The following PPM1H variants were observed in gnomAD, a reference collection of about 807,000 sequenced individuals.
PPM1H encodes protein phosphatase 1H.
A neutral mutation model predicts 54.9 loss-of-function variants in PPM1H; 27 were observed. The observed-to-expected ratio is 0.49, with a 90% CI of 0.36 to 0.68. The LOEUF is 0.68. Ranked by LOEUF, PPM1H falls within the 30% of genes least tolerant of loss-of-function variation. The probability of loss-of-function intolerance (pLI) is 0.00; values close to 1 mark genes in which losing one functional copy is unlikely to be tolerated. For synonymous variants in PPM1H, 305 were observed against 270.8 expected, an observed-to-expected ratio of 1.13 and a Z score of -1.24; for missense variants, 596 against 667.8, an observed-to-expected ratio of 0.89 and a Z score of 1.19.
intron 2 of PPM1H, among the ~76,000 whole-genome samples, chr12:62,826,601 G>A (rs1031308893): frequency 6.6e-6 from 1 of 152,086 alleles, no homozygotes; most frequent in Admixed American, 6.5e-5. Context: ...TGTTTTCATT[G>A]TAAATTTCAT....
chr12:62,760,959 G>T (rs1216204365), intron 4 of PPM1H, among the ~76,000 whole-genome samples: 1 of 152,182 alleles, frequency 6.6e-6, no homozygotes, highest in Non-Finnish European at 1.5e-5. Context: ...TAACTTAGAT[G>T]TTGTTTACTT....
At chr12:62,774,688 G>A (rs1028515131) in intron 4 of PPM1H, among the ~76,000 whole-genome samples, 1 of 152,074 alleles carries the variant, frequency 6.6e-6, no homozygotes, top group African/African-American at 2.4e-5. Flanking sequence ...CCCCAATAAT[G>A]ATTGAAAGTT....
At chr12:62,907,632 C>A (rs1187571231) in intron 1 of PPM1H, among the ~76,000 whole-genome samples, 1 of 152,190 alleles carries the variant, frequency 6.6e-6, no homozygotes, top group African/African-American at 2.4e-5. Context: ...CCAGTAAGTA[C>A]TTGTTACACA....
At chr12:62,682,337 G>A (rs2076023136) in intron 8 of PPM1H, among the ~76,000 whole-genome samples, 1 of 152,146 alleles carries the variant, frequency 6.6e-6, no homozygotes, top group Admixed American at 6.5e-5. Context: ...TTATGAATGG[G>A]CCAGACTGTA....
At chr12:62,866,115 G>T (rs599969) in intron 1 of PPM1H, among the ~76,000 whole-genome samples, 94,634 of 152,002 alleles carry the variant, frequency 0.62, 31,157 homozygotes, top group African/African-American at 0.83. Context: ...AAGAAACTGC[G>T]AAGAGGGAAA....
rs1872251405 is a variant in PPM1H, at chr12:62,934,395, A to C, written c.245+97T>G. 1 of 1,379,936 alleles carries C rather than the reference A, an allele frequency of 7.2e-7. No homozygotes were observed. The highest frequency in any genetic ancestry group is 1.5e-5 in the African/African-American group (1 of 66,676). 85.5% of individuals were successfully genotyped at this position (1,379,936 alleles called of 1,614,324 possible). On this transcript the variant is annotated intron_variant, in intron 1 of 9. Coordinates refer to ENST00000228705, the MANE Select transcript of PPM1H (RefSeq NM_020700.2). This position sits in a 1 kb window ranked among gnomAD's most constrained non-coding sequence, Gnocchi z 4.2. ...GGCCTGGACGCCGGCAGCTAGTGAG[A>C]GCCCTGAGGCCGAGAAGCAGGGAGA...
intron 5 of PPM1H, among the ~76,000 whole-genome samples, chr12:62,726,613 A>T (rs1252344992): frequency 6.6e-6 from 1 of 152,212 alleles, no homozygotes; most frequent in African/African-American, 2.4e-5. Flanking sequence ...CCTGGCTCCA[A>T]TGCGGGGATG....
chr12:62,771,029 G>C (rs1328253107), intron 4 of PPM1H, among the ~76,000 whole-genome samples: 4 of 139,400 alleles, frequency 2.9e-5, no homozygotes, highest in Non-Finnish European at 6.1e-5. Context: ...GCTAAGTCTT[G>C]CAGGAAAAAG....
intron 1 of PPM1H, among the ~76,000 whole-genome samples, chr12:62,832,558 T>C (rs1868384147): frequency 1.3e-5 from 2 of 152,170 alleles, no homozygotes; most frequent in African/African-American, 4.8e-5. Context: ...ACTAATCCAT[T>C]TTAGTCAAAA....
chr12:62,737,490 G>A lies in PPM1H; in HGVS notation c.954+12C>T. 1 of 1,532,816 alleles carries A rather than the reference G, an allele frequency of 6.5e-7. No individual in the cohort carries two copies. Among genetic ancestry groups the A allele is most frequent in the East Asian group, 2.4e-5 (1 of 42,434 alleles). The allele number at this position is 1,532,816 out of a possible 1,614,324, so 95.0% of individuals were successfully genotyped here. On this transcript the variant is annotated intron_variant, in intron 5 of 9. Transcript: ENST00000228705. The stretch of plus-strand genomic sequence containing the variant: ...ATGCCACTGCCCTCTGCCAAGCCTA[G>A]ATGACTCTTACCAGGTACTGAAGTC...
rs117308151 is a variant in PPM1H, at chr12:62,758,230, T to C, written c.870-20644A>G. Among the ~76,000 whole-genome samples the C allele has an allele frequency of 9.8e-5, 15 of 152,374 alleles. No homozygotes were observed. In the East Asian group the frequency reaches 2.9e-3, roughly 29 times the overall value. ...TTTCTTGGAAATCAACATCTTCATT[T>C]GGTTTCCACATGAATAATTCTTGGA... On this transcript the variant is annotated intron_variant, in intron 4 of 9. Transcript: ENST00000228705.
intron 1 of PPM1H, among the ~76,000 whole-genome samples, chr12:62,929,561 A>G (rs542846381): frequency 1.6e-3 from 246 of 152,222 alleles, no homozygotes; most frequent in Non-Finnish European, 2.6e-3. Flanking sequence ...TAGTGGGGTC[A>G]TAGCAGAGAT....
At position 62,871,984 on chromosome 12, in the gene PPM1H, A is replaced by AAG. The variant is rs754541480; in HGVS notation, c.246-39707_246-39706dup. ...TTCAGGATTTACAAAGTCCTGCTCT[A>AAG]AGCTCTCACTAAGCTTTTGAAACCT... On this transcript the variant is annotated intron_variant, in intron 1 of 9. Transcript: ENST00000228705. 2.1e-4 allele frequency among the ~76,000 whole-genome samples: 32 copies of AAG among 152,332 alleles called. No individual in the cohort carries two copies. The East Asian group carries it at 4.8e-3, about 23-fold the overall frequency.
intron 9 of PPM1H, among the ~76,000 whole-genome samples, chr12:62,652,348 G>A (rs991347818): frequency 6.6e-6 from 1 of 152,106 alleles, no homozygotes; most frequent in Non-Finnish European, 1.5e-5. Context: ...AAGTAGCTAG[G>A]ACTAAGGCAT....
rs375915042 is a variant in PPM1H at position 62,852,090 on chromosome 12, G to C, written c.246-19811C>G. On this transcript the variant is annotated intron_variant, in intron 1 of 9. Transcript: ENST00000228705. ...CTAAAAATACAAAAATTAGCTGGGC[G>C]TGGTGGCGGGCGCCTGTAATCCCAG... 1.1e-4 allele frequency among the ~76,000 whole-genome samples: 16 copies of C among 151,780 alleles called. No individual in the cohort carries two copies. The South Asian group carries it at 3.3e-3, about 32-fold the overall frequency.
chr12:62,877,351 C>T (rs979850677), intron 1 of PPM1H, among the ~76,000 whole-genome samples: 1 of 152,216 alleles, frequency 6.6e-6, no homozygotes, highest in Non-Finnish European at 1.5e-5. Context: ...CAGTGAGGCA[C>T]TAAGCACTTT....
chr12:62,820,783 C>G (rs1592616776), intron 2 of PPM1H, among the ~76,000 whole-genome samples: 2 of 152,134 alleles, frequency 1.3e-5, no homozygotes, highest in Admixed American at 1.3e-4. Flanking sequence ...CATCAAAGAC[C>G]AAAGGTAGAT....
chr12:62,845,263 C>A (rs1198077105), intron 1 of PPM1H, among the ~76,000 whole-genome samples: 5 of 152,244 alleles, frequency 3.3e-5, no homozygotes, highest in African/African-American at 1.2e-4. Flanking sequence ...ATTCCCTTCA[C>A]TGGAAATGTC....
intron 9 of PPM1H, among the ~76,000 whole-genome samples, chr12:62,653,423 T>C (rs1419204556): frequency 6.6e-6 from 1 of 152,220 alleles, no homozygotes; most frequent in Non-Finnish European, 1.5e-5. Flanking sequence ...ATTTAGTGAA[T>C]TACTTTGTTT....
Sources: gnomAD v4.1 joint callset for allele counts (sites outside exome capture counted in the v4.1 genomes callset) on GRCh38, gnomAD v4.1.1 for gene constraint, Gnocchi (gnomAD v3.1) non-coding constraint, MANE v1.5 for transcripts, NCBI Gene and HGNC (gene_info 2026-07-23, HGNC 2026-07-21) for gene names.